The following CYREN variants were observed in gnomAD, a reference collection of about 807,000 sequenced individuals.
The protein encoded by CYREN is cell cycle regulator of NHEJ, also known as cell cycle regulator of non-homologous end joining.
In CYREN, 7 loss-of-function variants were observed where a neutral mutation model predicts 9.7. The observed-to-expected ratio is 0.72, with a 90% CI of 0.41 to 1.36. The LOEUF (loss-of-function observed/expected upper bound fraction) is 1.36, where lower values mean the gene tolerates loss of function less well. CYREN is among the 40% of genes most tolerant of loss of function. The pLI is 0.01. For synonymous variants in CYREN, 76 were observed against 77.9 expected (o/e 0.98, Z 0.13); for missense variants, 215 against 198.1 (o/e 1.09, Z -0.51).
chr7:135,129,101 G>A (rs2348282), intron 2 of CYREN: 808,139 of 1,581,184 alleles, frequency 0.51, 210,746 homozygotes, highest in South Asian at 0.66. Context: ...CTACTGGTCA[G>A]GTCAAAGAGC....
At chr7:135,115,522 G>A (rs990542986) in intron 2 of CYREN, 18 of 1,551,364 alleles carry the variant, frequency 1.2e-5, no homozygotes, top group South Asian at 2.4e-5. Flanking sequence ...TGCAGTATTT[G>A]CTCCCCATCG....
At position 135,166,529 on chromosome 7, in the gene CYREN, G is replaced by A; in HGVS notation, c.*82C>T. ...GAGCACAGAGAGCCCCATTCCCACAGGCGGGCGGCCCAGCAGCACCAGTGG... is the reference window on the plus strand; with the variant it reads ...GAGCACAGAGAGCCCCATTCCCACAAGCGGGCGGCCCAGCAGCACCAGTGG... On this transcript the variant is annotated 3_prime_UTR_variant, in exon 4 of 4. Coordinates refer to ENST00000393114, the MANE Select transcript of CYREN (RefSeq NM_024033.4). 6.6e-7 allele frequency: 1 copy of A among 1,506,934 alleles called. No individual in the cohort carries two copies. The highest frequency in any genetic ancestry group is 8.8e-7 in the Non-Finnish European group (1 of 1,134,332). 93.3% of individuals were successfully genotyped at this position (1,506,934 alleles called of 1,614,324 possible).
chr7:135,126,735 C>A (rs949197279), intron 2 of CYREN, among the ~76,000 whole-genome samples: 3 of 152,174 alleles, frequency 2.0e-5, no homozygotes, highest in African/African-American at 7.2e-5. Context: ...ACTATTTGAT[C>A]TTTGACAAAC....
intron 2 of CYREN, among the ~76,000 whole-genome samples, chr7:135,150,014 T>C (rs892152029): frequency 6.6e-6 from 1 of 152,324 alleles, no homozygotes; most frequent in African/African-American, 2.4e-5. Flanking sequence ...TCTTTATTTG[T>C]AGTTTCCATT....
chr7:135,171,322 TTTTTAA>T (rs1417193509), upstream of CYREN, among the ~76,000 whole-genome samples: 37 of 14,128 alleles, frequency 2.6e-3, no homozygotes, highest in Non-Finnish European at 0.047. Flanking sequence ...TTTTTTTTTT[TTTTTAA>T]AAAAAAAAGG....
chr7:135,168,708 G>C (rs1830422675), intron 2 of CYREN, 78 bp downstream of exon 2: 1 of 1,550,618 alleles, frequency 6.4e-7, no homozygotes, highest in South Asian at 1.2e-5. Flanking sequence ...GCCTAGGCTG[G>C]AAGACCTGGC....
At chr7:135,109,136 C>T (rs921233689) in intron 2 of CYREN, among the ~76,000 whole-genome samples, 1 of 152,160 alleles carries the variant, frequency 6.6e-6, no homozygotes, top group African/African-American at 2.4e-5. Context: ...TGCCATTCTC[C>T]TGAATTTTGA....
At chr7:135,142,703 T>C (rs1270142337) in intron 2 of CYREN, among the ~76,000 whole-genome samples, 3 of 151,986 alleles carry the variant, frequency 2.0e-5, no homozygotes, top group East Asian at 3.9e-4. Context: ...GAGTTTGAAA[T>C]TAAAAACACA....
At position 135,168,773 on chromosome 7, in the gene CYREN, A is replaced by C; in HGVS notation, c.137+13T>G. 1 of 1,612,962 alleles carries C rather than the reference A, an allele frequency of 6.2e-7. No individual in the cohort carries two copies. Among genetic ancestry groups the C allele is most frequent in the Non-Finnish European group, 8.5e-7 (1 of 1,179,416 alleles). ...CCAGATTCGCAGGAGTCTTCTGACC[A>C]GAGCTGTCGCACCTTGCTGCTGCCA... On this transcript the variant is annotated intron_variant, in intron 2 of 3. Transcript: ENST00000393114.
intron 2 of CYREN, chr7:135,135,264 T>C: frequency 6.6e-7 from 1 of 1,509,498 alleles, no homozygotes; most frequent in Non-Finnish European, 8.9e-7. Context: ...AGAGTTAATC[T>C]AGCTTTATAC....
At chr7:135,126,818 G>A (rs974851349) in intron 2 of CYREN, among the ~76,000 whole-genome samples, 1 of 152,184 alleles carries the variant, frequency 6.6e-6, no homozygotes, top group South Asian at 2.1e-4. Flanking sequence ...CTAGCCATGT[G>A]CAGAAAACTG....
At chr7:135,101,497 TAA>T in intron 2 of CYREN, among the ~76,000 whole-genome samples, 1 of 148,900 alleles carries the variant, frequency 6.7e-6, no homozygotes, top group Admixed American at 6.7e-5. Flanking sequence ...AATATAGCCT[TAA>T]AAAAAAAACT....
intron 2 of CYREN, chr7:135,129,117 G>C: frequency 6.4e-7 from 1 of 1,552,436 alleles, no homozygotes; most frequent in Non-Finnish European, 8.9e-7. Flanking sequence ...AGAGCTAGTG[G>C]AAGCAGAGTT....
At chr7:135,127,419 G>T (rs1030942398) in intron 2 of CYREN, among the ~76,000 whole-genome samples, 2 of 152,128 alleles carry the variant, frequency 1.3e-5, no homozygotes, top group Non-Finnish European at 2.9e-5. Flanking sequence ...GGGGTGTGGT[G>T]GCGCACGCCT....
At chr7:135,116,432 G>T (rs1826321853) in intron 2 of CYREN, among the ~76,000 whole-genome samples, 1 of 152,122 alleles carries the variant, frequency 6.6e-6, no homozygotes. Flanking sequence ...ACTTTCATAA[G>T]AAAATGGGTG....
At chr7:135,133,635 G>C (rs1160702442) in intron 2 of CYREN, among the ~76,000 whole-genome samples, 1 of 152,128 alleles carries the variant, frequency 6.6e-6, no homozygotes, top group African/African-American at 2.4e-5. Context: ...TTGCTCCACT[G>C]ATTTTGATAG....
chr7:135,142,674 T>G (rs753141432), intron 2 of CYREN, among the ~76,000 whole-genome samples: 17 of 152,234 alleles, frequency 1.1e-4, no homozygotes, highest in Non-Finnish European at 1.2e-4. Flanking sequence ...CCTCCTTATA[T>G]GCCAGCAATG....
At chr7:135,118,231 C>G (rs1040229477) in intron 2 of CYREN, among the ~76,000 whole-genome samples, 1 of 152,124 alleles carries the variant, frequency 6.6e-6, no homozygotes, top group Non-Finnish European at 1.5e-5. Flanking sequence ...GTTAATACCT[C>G]ACTATTTGTC....
intron 2 of CYREN, among the ~76,000 whole-genome samples, chr7:135,105,070 G>T (rs1343506399): frequency 1.6e-5 from 2 of 127,076 alleles, no homozygotes; most frequent in Admixed American, 8.6e-5. Flanking sequence ...TTACATTCAA[G>T]TTTTTTTTTT....
Sources: allele counts gnomAD v4.1 joint callset (sites outside exome capture counted in the v4.1 genomes callset), GRCh38; gene constraint gnomAD v4.1.1; transcripts MANE v1.5; gene names NCBI Gene and HGNC (gene_info 2026-07-23, HGNC 2026-07-21).